MPV17: variants seen among roughly 807,000 people sequenced by gnomAD.
MPV17 encodes the protein mitochondrial inner membrane protein MPV17.
Under a neutral mutation model 28.6 loss-of-function variants are expected in MPV17, and 31 were observed. The ratio of observed to expected loss-of-function variants is 1.08; its 90% CI spans 0.81 to 1.46. The LOEUF is 1.46. MPV17 is among the 40% of genes most tolerant of loss of function. The pLI, the probability that MPV17 is intolerant of heterozygous loss-of-function variation, is 0.00. For synonymous variants in MPV17, 87 were observed against 85.3 expected, an observed-to-expected ratio of 1.02 and a Z score of -0.11; for missense variants, 198 against 216.2, an observed-to-expected ratio of 0.92 and a Z score of 0.53.
chr2:27,322,704 T>G, intron 1 of MPV17, 182 bp from the exon 2 acceptor site: 1 of 619,128 alleles, frequency 1.6e-6, no homozygotes. Flanking sequence ...CCTTAGACAA[T>G]TGGGGAAGAG....
At chr2:27,313,663 C>A (rs897403196) in intron 2 of MPV17, among the ~76,000 whole-genome samples, 4 of 152,138 alleles carry the variant, frequency 2.6e-5, no homozygotes, top group Non-Finnish European at 5.9e-5. Flanking sequence ...AAGACCCTGC[C>A]AACAGCTTTC....
chr2:27,312,307 G>A (rs990783785), intron 5 of MPV17, 61 bp from the exon 6 acceptor site: 3 of 1,562,556 alleles, frequency 1.9e-6, no homozygotes, highest in Non-Finnish European at 2.6e-6. Context: ...CCACTTCCCA[G>A]TATGAATGTC....
At chr2:27,313,390 AG>A (rs757506838) in intron 2 of MPV17, 7 of 633,816 alleles carry the variant, frequency 1.1e-5, no homozygotes, top group Non-Finnish European at 1.9e-5. Flanking sequence ...GAAAGTATAG[AG>A]AGAGGAAGGA....
At position 27,309,841 on chromosome 2, in the gene MPV17, G is replaced by T; in HGVS notation, c.*71C>A. 1 of 1,328,080 alleles carries T rather than the reference G, an allele frequency of 7.5e-7. No homozygotes were observed. The highest frequency in any genetic ancestry group is 1.1e-6 in the Non-Finnish European group (1 of 922,794). 82.3% of individuals were successfully genotyped at this position (1,328,080 alleles called of 1,614,324 possible). A position where few individuals can be genotyped will look rare whatever the true frequency, so the allele number is the denominator to read the frequency against. ...CCGTGGAAACTGGTATGCCCACTTTGAGGAGGTTGTCTGACCGTTCCAGGG... is the reference window on the plus strand; with the variant it reads ...CCGTGGAAACTGGTATGCCCACTTTTAGGAGGTTGTCTGACCGTTCCAGGG... On this transcript the variant is annotated 3_prime_UTR_variant, in exon 8 of 8. Coordinates refer to ENST00000380044, the MANE Select transcript of MPV17 (RefSeq NM_002437.5).
chr2:27,313,194 C>T (rs905123480), intron 2 of MPV17, 85 bp from the exon 3 acceptor site: 1 of 1,602,680 alleles, frequency 6.2e-7, no homozygotes, highest in Non-Finnish European at 8.5e-7. Flanking sequence ...CTGACCTCCA[C>T]TGAGGCTCTG....
chr2:27,317,262 T>C lies in MPV17; in HGVS notation c.71-4153A>G, dbSNP rs763389552. 3.9e-6 allele frequency: 6 copies of C among 1,522,816 alleles called. No individual in the cohort carries two copies. The South Asian group carries it at 7.5e-5, about 19-fold the overall frequency. 94.3% of individuals were successfully genotyped at this position (1,522,816 alleles called of 1,614,324 possible). On this transcript the variant is annotated intron_variant, in intron 2 of 7. Transcript: ENST00000380044. The surrounding 1 kb of genome is among the most constrained non-coding windows in gnomAD (Gnocchi z 4.0). ...GCAAACATTAGTTAGCTGCCTAGGA[T>C]AGGGGCTCAGTCTGGCACAGAGCCC...
At chr2:27,319,192 C>T (rs1354765255) in intron 2 of MPV17, among the ~76,000 whole-genome samples, 1 of 152,008 alleles carries the variant, frequency 6.6e-6, no homozygotes, top group African/African-American at 2.4e-5. Context: ...GGATCACTCC[C>T]TACTACCTAA....
chr2:27,311,288 T>C, intron 7 of MPV17: 1 of 379,984 alleles, frequency 2.6e-6, no homozygotes, highest in Admixed American at 4.1e-5. Context: ...GTGAAACTCC[T>C]GGACTCAAGC....
chr2:27,318,156 C>A (rs1308289995), intron 2 of MPV17, among the ~76,000 whole-genome samples: 1 of 151,510 alleles, frequency 6.6e-6, no homozygotes, highest in African/African-American at 2.4e-5. Flanking sequence ...GCAACCTCTG[C>A]CTCACAGGTT....
In MPV17 at chr2:27,313,026, G is replaced by A. The variant is rs769489459; in HGVS notation, c.154C>T (p.Leu52=). 3 of 1,614,222 alleles carry A rather than the reference G, an allele frequency of 1.9e-6. No individual in the cohort carries two copies. The highest frequency in any genetic ancestry group is 1.7e-6 in the Non-Finnish European group (2 of 1,180,034). Residue 52 remains leucine, a synonymous_variant, in exon 3 of 8, where the codon CTG becomes TTG. Transcript: ENST00000380044. ...CCACAGCCCAGGGACACCATGGTCA[G>A]AGTCCGGCCTCTCTGGTGTTCCTGC... ...GLQEHQRGRT[L]TMVSLGCGFV...
At chr2:27,315,541 C>T (rs1679617658) in intron 2 of MPV17, among the ~76,000 whole-genome samples, 1 of 152,216 alleles carries the variant, frequency 6.6e-6, no homozygotes, top group Admixed American at 6.5e-5. Flanking sequence ...GGTGGTCACA[C>T]CTCCATTCAT....
chr2:27,311,620 C>T (rs1055029955), intron 7 of MPV17: 5 of 1,550,400 alleles, frequency 3.2e-6, no homozygotes, highest in South Asian at 1.2e-5. Context: ...TCCAGATATG[C>T]CATCAAAGAC....
In MPV17 at chr2:27,312,415, T is replaced by C. The variant is rs1339352861; in HGVS notation, c.375+79A>G. On this transcript the variant is annotated intron_variant, in intron 5 of 7. Transcript: ENST00000380044. ...CCCTACCTGCACTTACCCCCTTTTT[T>C]ATCCCTGTAAAACCTGTCTTCTTCC... 4 of 1,520,966 alleles carry C rather than the reference T, an allele frequency of 2.6e-6. No individual in the cohort carries two copies. The Admixed American group carries it at 6.7e-5, about 25-fold the overall frequency. The allele number at this position is 1,520,966 out of a possible 1,614,324, so 94.2% of individuals were successfully genotyped here. A position where few individuals can be genotyped will look rare whatever the true frequency, so the allele number is the denominator to read the frequency against.
At chr2:27,316,850 C>A (rs1444112452) in intron 2 of MPV17, 2 of 453,472 alleles carry the variant, frequency 4.4e-6, no homozygotes, top group Non-Finnish European at 7.8e-6. Context: ...TGGAGCCCAG[C>A]GAGCAGATGC....
intron 7 of MPV17, among the ~76,000 whole-genome samples, chr2:27,310,768 G>A (rs780498526): frequency 5.9e-5 from 9 of 151,856 alleles, no homozygotes; most frequent in South Asian, 4.1e-4. Context: ...TTTTTGAGAC[G>A]GAGTCTCGCT....
At position 27,317,348 on chromosome 2, in the gene MPV17, T is replaced by C; in HGVS notation, c.71-4239A>G. The C allele has an allele frequency of 2.2e-6, 2 of 927,926 alleles. No homozygotes were observed. Among genetic ancestry groups the C allele is most frequent in the Non-Finnish European group, 3.1e-6 (2 of 648,348 alleles). 57.5% of individuals were successfully genotyped at this position (927,926 alleles called of 1,614,324 possible). On this transcript the variant is annotated intron_variant, in intron 2 of 7. Transcript: ENST00000380044. This position sits in a 1 kb window ranked among gnomAD's most constrained non-coding sequence, Gnocchi z 4.0. ...GATCCTCTGGGATTATTCTGAATGCTCTCCCATTTCTGACCTGAACCCATC... is the reference window on the plus strand; with the variant it reads ...GATCCTCTGGGATTATTCTGAATGCCCTCCCATTTCTGACCTGAACCCATC...
chr2:27,322,738 A>G (rs1017640954), intron 1 of MPV17, among the ~76,000 whole-genome samples: 2 of 152,040 alleles, frequency 1.3e-5, no homozygotes, highest in Non-Finnish European at 2.9e-5. Context: ...GAAGCTATGG[A>G]CTCCTGGTAG....
rs2148220631 is a variant in MPV17 at position 27,317,429 on chromosome 2, G to C, written c.71-4320C>G. Among the ~76,000 whole-genome samples, 1 of 152,312 alleles carries C rather than the reference G, an allele frequency of 6.6e-6. No homozygotes were observed. Among genetic ancestry groups the C allele is most frequent in the Non-Finnish European group, 1.5e-5 (1 of 68,018 alleles). On this transcript the variant is annotated intron_variant, in intron 2 of 7. Coordinates refer to ENST00000380044, the MANE Select transcript of MPV17 (RefSeq NM_002437.5). The surrounding 1 kb of genome is among the most constrained non-coding windows in gnomAD (Gnocchi z 4.0). The stretch of plus-strand genomic sequence containing the variant: ...GTTTTGCAGCTTGTTACGTATCTAA[G>C]CTCAGATCAGCTGGGGTTGCACTCA...
chr2:27,311,604 T>A, intron 7 of MPV17: 1 of 1,550,536 alleles, frequency 6.4e-7, no homozygotes, highest in Non-Finnish European at 8.7e-7. Flanking sequence ...CCCCAGCCAC[T>A]GTCCCTCCAG....
Sources: gnomAD v4.1 joint callset for allele counts (sites outside exome capture counted in the v4.1 genomes callset) on GRCh38, gnomAD v4.1.1 for gene constraint, Gnocchi (gnomAD v3.1) non-coding constraint, MANE v1.5 for transcripts, NCBI Gene and HGNC (gene_info 2026-07-23, HGNC 2026-07-21) for gene names.